Variants in CDIN1 observed in about 807,000 individuals in gnomAD.
The protein encoded by CDIN1 is CDAN1-interacting nuclease 1.
Under a neutral mutation model 45.3 loss-of-function variants are expected in CDIN1, and 33 were observed. That is an observed-to-expected ratio of 0.73 (90% CI 0.55 to 0.97). CDIN1 has a LOEUF of 0.97. Ranked by LOEUF, CDIN1 falls within the 50% of genes least tolerant of loss-of-function variation. CDIN1 has a pLI of 0.00. For missense variants in CDIN1, 303 were observed against 339.4 expected (o/e 0.89, Z 0.84); for synonymous variants, 118 against 124.4 (o/e 0.95, Z 0.34).
In CDIN1 at chr15:36,654,161, A is replaced by G; in HGVS notation, c.273+3A>G. The G allele has an allele frequency of 1.3e-6, 2 of 1,564,650 alleles. No individual in the cohort carries two copies. Among genetic ancestry groups the G allele is most frequent in the Non-Finnish European group, 1.7e-6 (2 of 1,152,256 alleles). On this transcript the variant is annotated splice_donor_region_variant and intron_variant, in intron 4 of 10. Coordinates refer to ENST00000566621, the MANE Select transcript of CDIN1 (RefSeq NM_001321759.2). ...TGCTCCTGGACCTGGCCAATGAGGTAATGTTATTGTTATGATTTTATTTAA... is the reference window on the plus strand; with the variant it reads ...TGCTCCTGGACCTGGCCAATGAGGTGATGTTATTGTTATGATTTTATTTAA...
At chr15:36,664,893 A>G (rs1169461524) in intron 5 of CDIN1, among the ~76,000 whole-genome samples, 2 of 152,230 alleles carry the variant, frequency 1.3e-5, no homozygotes, top group Admixed American at 1.3e-4. Context: ...TATGCATTGC[A>G]TGAGGGTGCT....
chr15:36,595,090 GAAGATTTTTTTC>G (rs2037750779), intron 1 of CDIN1, among the ~76,000 whole-genome samples: 1 of 151,812 alleles, frequency 6.6e-6, no homozygotes, highest in Non-Finnish European at 1.5e-5. Context: ...GTTCTTTTAA[GAAGATTTTTTTC>G]TTTGACAAGT....
chr15:36,631,539 T>G (rs957049554), intron 1 of CDIN1, among the ~76,000 whole-genome samples: 1 of 152,188 alleles, frequency 6.6e-6, no homozygotes, highest in Admixed American at 6.5e-5. Flanking sequence ...ATGTTTCCAT[T>G]CATATATTTT....
At chr15:36,798,480 T>TTAG (rs2054895534) in intron 10 of CDIN1, 1 of 152,182 alleles carries the variant, frequency 6.6e-6, no homozygotes. Context: ...AACTGCCCAT[T>TTAG]TAGAGTGAGT....
intron 5 of CDIN1, among the ~76,000 whole-genome samples, chr15:36,675,593 C>A (rs1415246422): frequency 3.9e-5 from 6 of 152,162 alleles, no homozygotes; most frequent in Non-Finnish European, 5.9e-5. Flanking sequence ...AGCGGCCTTG[C>A]TGAAAGATTA....
chr15:36,795,973 C>G (rs547397575), intron 10 of CDIN1, among the ~76,000 whole-genome samples: 1 of 152,150 alleles, frequency 6.6e-6, no homozygotes, highest in Non-Finnish European at 1.5e-5. Context: ...ATTTTCTGAC[C>G]TAGTTTACTC....
intron 5 of CDIN1, among the ~76,000 whole-genome samples, chr15:36,667,216 A>C (rs1425988999): frequency 6.6e-6 from 1 of 152,192 alleles, no homozygotes; most frequent in African/African-American, 2.4e-5. Context: ...AAACTCATCA[A>C]ATTCCCCAGT....
intron 1 of CDIN1, chr15:36,619,036 C>G: frequency 7.3e-7 from 1 of 1,367,586 alleles, no homozygotes; most frequent in Non-Finnish European, 1.0e-6. Context: ...TGTAGTGTCT[C>G]CCACGACAAA....
intron 5 of CDIN1, among the ~76,000 whole-genome samples, chr15:36,664,054 A>G (rs1015415556): frequency 3.9e-5 from 6 of 152,236 alleles, no homozygotes; most frequent in African/African-American, 9.6e-5. Flanking sequence ...GTCTGTAGAC[A>G]TGGCAATTTA....
intron 1 of CDIN1, among the ~76,000 whole-genome samples, chr15:36,596,881 C>T (rs2037860896): frequency 6.6e-6 from 1 of 152,090 alleles, no homozygotes; most frequent in Non-Finnish European, 1.5e-5. Context: ...AATCTGATTC[C>T]TGCATGTGTC....
intron 10 of CDIN1, among the ~76,000 whole-genome samples, chr15:36,769,102 A>G (rs1156889595): frequency 1.3e-5 from 2 of 152,162 alleles, no homozygotes; most frequent in Non-Finnish European, 2.9e-5. Flanking sequence ...AGCCCCACAC[A>G]CCCTAAAATA....
intron 10 of CDIN1, chr15:36,755,952 CT>C (rs1240558306): frequency 4.8e-6 from 2 of 414,402 alleles, no homozygotes; most frequent in East Asian, 1.4e-4. Flanking sequence ...GGTTCATTCC[CT>C]GGTATTTCGA....
intron 5 of CDIN1, among the ~76,000 whole-genome samples, chr15:36,676,597 C>A (rs774118569): frequency 6.6e-6 from 1 of 152,156 alleles, no homozygotes; most frequent in Non-Finnish European, 1.5e-5. Context: ...AGTTTTCTTT[C>A]TTTTCATAGA....
chr15:36,700,571 C>T (rs919821819), intron 8 of CDIN1, among the ~76,000 whole-genome samples: 5 of 150,914 alleles, frequency 3.3e-5, no homozygotes, highest in South Asian at 2.1e-4. Flanking sequence ...TCTTTCTCAC[C>T]GGGACCTTCC....
intron 10 of CDIN1, among the ~76,000 whole-genome samples, chr15:36,796,514 C>T (rs1263737207): frequency 6.6e-6 from 1 of 152,148 alleles, no homozygotes; most frequent in Non-Finnish European, 1.5e-5. Flanking sequence ...AGATATTTTC[C>T]ACCACACAGA....
intron 10 of CDIN1, among the ~76,000 whole-genome samples, chr15:36,803,177 C>G (rs2055106868): frequency 6.6e-6 from 1 of 151,446 alleles, no homozygotes. Context: ...ACCCAATAAC[C>G]AAGTTTACCA....
intron 1 of CDIN1, among the ~76,000 whole-genome samples, chr15:36,604,418 T>TACACACACACAC (rs144533313): frequency 0.077 from 9,966 of 128,652 alleles, 598 homozygotes; most frequent in South Asian, 0.2. Context: ...TTTTAAAAGG[T>TACACACACACAC]ACACACACAC....
intron 1 of CDIN1, chr15:36,618,304 A>T: frequency 4.5e-6 from 3 of 668,236 alleles, no homozygotes; most frequent in Non-Finnish European, 8.2e-6. Context: ...TAGTTCAAAA[A>T]ATTTTTCAAC....
chr15:36,626,387 TAA>T (rs34442047), intron 1 of CDIN1, among the ~76,000 whole-genome samples: 2 of 143,506 alleles, frequency 1.4e-5, no homozygotes. Context: ...ATCCATTTCT[TAA>T]AAAAAAAAAA....
Sources: gnomAD v4.1 joint callset for allele counts (sites outside exome capture counted in the v4.1 genomes callset) on GRCh38, gnomAD v4.1.1 for gene constraint, MANE v1.5 for transcripts, NCBI Gene and HGNC (gene_info 2026-07-23, HGNC 2026-07-21) for gene names.